Variants in NLRP4 observed in about 807,000 individuals in gnomAD.
The protein encoded by NLRP4 is NACHT, LRR and PYD domains-containing protein 4.
NLRP4 carries 44 observed loss-of-function variants against 84.7 expected under a neutral mutation model. The ratio of observed to expected loss-of-function variants is 0.52; its 90% CI spans 0.41 to 0.67. NLRP4 has a LOEUF of 0.67. NLRP4 is among the 30% of genes least tolerant of loss of function. The pLI is 0.00. For synonymous variants in NLRP4, 544 were observed against 476.4 expected, an observed-to-expected ratio of 1.14 and a Z score of -1.85; for missense variants, 1,260 against 1,219.4, an observed-to-expected ratio of 1.03 and a Z score of -0.50.
Position 55,858,762 on chromosome 19 carries a change from G to C in NLRP4, c.1369G>C (p.Glu457Gln). Residue 457 changes from glutamate to glutamine, a missense_variant, in exon 3 of 10, where the codon GAG (glutamate) becomes CAG (glutamine). Glu to Gln is a conservative substitution (Grantham distance 29). Around this residue, in one of 3 missense-constraint regions of NLRP4, gnomAD observed 712 missense variants for 669.2 expected, o/e 1.06. Transcript: ENST00000301295. This position sits in a 1 kb window ranked among gnomAD's most constrained non-coding sequence, Gnocchi z 4.2. The part of the protein sequence containing the change: ...SYVFLHVCIQ[E>Q]FCAALFYLLK... ...CGTGTTCCTCCACGTGTGTATCCAG[G>C]AGTTCTGTGCCGCCTTGTTCTATTT... is the stretch of plus-strand genomic sequence containing the variant. 6.2e-7 allele frequency: 1 copy of C among 1,614,192 alleles called. No individual in the cohort carries two copies. The highest frequency in any genetic ancestry group is 1.1e-5 in the South Asian group (1 of 91,080).
intron 2 of NLRP4, among the ~76,000 whole-genome samples, chr19:55,855,746 A>G (rs1442252053): frequency 6.6e-6 from 1 of 152,234 alleles, no homozygotes; most frequent in African/African-American, 2.4e-5. Context: ...ACATCGTACT[A>G]GTTATTTAAG....
In NLRP4 at chr19:55,871,032, G is replaced by A. The variant is rs201255934; in HGVS notation, c.2525+35G>A. On this transcript the variant is annotated intron_variant, in intron 7 of 9. Coordinates refer to ENST00000301295, the MANE Select transcript of NLRP4 (RefSeq NM_134444.5). ...TTGCTGTTTCTTTGAAGACCAAGCC[G>A]TCTTTTCAAGGGCATGCACTGCTGA... 2.6e-4 allele frequency: 409 copies of A among 1,597,498 alleles called. 1 individual carries two copies. The highest frequency in any genetic ancestry group is 6.9e-4 in the Admixed American group (41 of 59,770).
At position 55,858,303 on chromosome 19, in the gene NLRP4, G is replaced by T. The variant is rs377060653; in HGVS notation, c.910G>T (p.Glu304Ter). ...SEIYQPRGFN[E>*]SDRLVYFCCF... is the part of the protein sequence containing the mutation. ...AATCTACCAGCCCCGGGGATTCAACGAGAGTGATAGGTTAGTGTATTTCTG... is the reference window on the plus strand; with the variant it reads ...AATCTACCAGCCCCGGGGATTCAACTAGAGTGATAGGTTAGTGTATTTCTG... Residue 304 changes from glutamate (E) to a stop codon, truncating the protein, a stop_gained, in exon 3 of 10, where the codon GAG (glutamate) becomes TAG (stop). Coordinates refer to ENST00000301295, the MANE Select transcript of NLRP4 (RefSeq NM_134444.5). LOFTEE classifies it high-confidence loss of function. The surrounding 1 kb of genome is among the most constrained non-coding windows in gnomAD (Gnocchi z 4.2). The T allele has an allele frequency of 1.9e-5, 30 of 1,614,030 alleles. No homozygotes were observed. Among genetic ancestry groups the T allele is most frequent in the Non-Finnish European group, 2.3e-5 (27 of 1,180,032 alleles).
At chr19:55,860,490 ATTGC>A (rs1984707602) in intron 3 of NLRP4, among the ~76,000 whole-genome samples, 2 of 152,078 alleles carry the variant, frequency 1.3e-5, no homozygotes, top group Admixed American at 6.6e-5. Context: ...AAGCAGGAGG[ATTGC>A]TTGCTTGAGC....
chr19:55,867,630 C>T (rs1985011369), intron 5 of NLRP4, 79 bp from the exon 6 acceptor site: 7 of 1,347,644 alleles, frequency 5.2e-6, no homozygotes, highest in African/African-American at 1.4e-5. Flanking sequence ...GTGGGCTTCC[C>T]GACTCTGACA....
chr19:55,865,452 A>C (rs1173854379), intron 5 of NLRP4, among the ~76,000 whole-genome samples: 3 of 152,146 alleles, frequency 2.0e-5, no homozygotes, highest in Non-Finnish European at 4.4e-5. Flanking sequence ...TTATAGTACA[A>C]TGATTTATAT....
In NLRP4 at chr19:55,848,084, T is replaced by C. The variant is rs147829353; in HGVS notation, c.-65-3932T>C. Among the ~76,000 whole-genome samples the C allele has an allele frequency of 5.2e-4, 79 of 152,288 alleles. 1 individual carries two copies. Among genetic ancestry groups the C allele is most frequent in the Admixed American group, 4.6e-3 (71 of 15,304 alleles). On this transcript the variant is annotated intron_variant, in intron 1 of 9. Transcript: ENST00000301295. ...ACTGGGTTTCATTGCTGTGTCTCCA[T>C]TGAGTTCTCTAAACTAGGACCACTC...
At chr19:55,847,954 A>G (rs1983863483) in intron 1 of NLRP4, among the ~76,000 whole-genome samples, 2 of 152,020 alleles carry the variant, frequency 1.3e-5, no homozygotes, top group African/African-American at 2.4e-5. Flanking sequence ...TGACCTCGTG[A>G]TCTGCCTGCC....
At chr19:55,857,119 GCTTGTGT>G (rs1014688366) in intron 2 of NLRP4, among the ~76,000 whole-genome samples, 48 of 152,278 alleles carry the variant, frequency 3.2e-4, no homozygotes, top group African/African-American at 9.4e-4. Flanking sequence ...TTGTATAATA[GCTTGTGT>G]CTCATAAATT....
chr19:55,863,367 T>C (rs933564237), intron 5 of NLRP4, among the ~76,000 whole-genome samples: 1 of 152,208 alleles, frequency 6.6e-6, no homozygotes, highest in African/African-American at 2.4e-5. Context: ...CTTATGGTTC[T>C]GAAGGATGTA....
intron 2 of NLRP4, among the ~76,000 whole-genome samples, chr19:55,852,958 A>T (rs190329102): frequency 1.3e-5 from 2 of 152,358 alleles, no homozygotes; most frequent in Admixed American, 1.3e-4. Flanking sequence ...AAGTCGTTGC[A>T]TAAGAACTAT....
chr19:55,845,040 T>C (rs983247155), intron 1 of NLRP4, among the ~76,000 whole-genome samples: 2 of 152,146 alleles, frequency 1.3e-5, no homozygotes, highest in Admixed American at 6.5e-5. Context: ...TTTTTAATTA[T>C]TATACTTTAA....
intron 7 of NLRP4, among the ~76,000 whole-genome samples, chr19:55,871,943 G>A (rs540997707): frequency 4.4e-4 from 67 of 150,898 alleles, no homozygotes; most frequent in African/African-American, 1.4e-3. Context: ...GCTGCCTCCC[G>A]GGTTCACGCC....
At chr19:55,869,500 C>T (rs1985091327) in intron 6 of NLRP4, among the ~76,000 whole-genome samples, 1 of 152,104 alleles carries the variant, frequency 6.6e-6, no homozygotes, top group South Asian at 2.1e-4. Context: ...TTGTGTCTGT[C>T]AACAGGAAGC....
Position 55,848,818 on chromosome 19 carries a change from A to T in NLRP4, c.-65-3198A>T, listed in dbSNP as rs866351833. Among the ~76,000 whole-genome samples the T allele has an allele frequency of 4.6e-5, 7 of 152,166 alleles. No homozygotes were observed. In the South Asian group the frequency reaches 1.5e-3, roughly 32 times the overall value. ...TCCCATAATTCCCACATGTGGTGGG[A>T]GGGACCCGGTGGGAGATACTTGAAT... On this transcript the variant is annotated intron_variant, in intron 1 of 9. Coordinates refer to ENST00000301295, the MANE Select transcript of NLRP4 (RefSeq NM_134444.5).
chr19:55,868,754 A>G (rs1183405527), intron 6 of NLRP4, among the ~76,000 whole-genome samples: 2 of 152,096 alleles, frequency 1.3e-5, no homozygotes, highest in Non-Finnish European at 2.9e-5. Flanking sequence ...CACAAATATC[A>G]CTGGAAGAAA....
chr19:55,837,563 G>T (rs546788435), intron 1 of NLRP4, among the ~76,000 whole-genome samples: 1 of 149,420 alleles, frequency 6.7e-6, no homozygotes, highest in Non-Finnish European at 1.5e-5. Context: ...ATCAATAAAA[G>T]TTGGTTTTTA....
Position 55,852,232 on chromosome 19 carries a change from C to T in NLRP4, c.152C>T (p.Ser51Phe), listed in dbSNP as rs769100642. The change falls in exon 2 of 10, where the codon TCC becomes TTC. Residue 51 changes from serine (S) to phenylalanine (F), a missense_variant. By Grantham distance (155) the Ser-to-Phe change is radical. Coordinates refer to ENST00000301295, the MANE Select transcript of NLRP4 (RefSeq NM_134444.5). ...QIPWTEVKKA[S>F]REELANLLIK... ...CCCTGGACTGAGGTCAAAAAAGCAT[C>T]CCGGGAAGAACTTGCAAACCTCTTG... 1 of 1,609,950 alleles carries T rather than the reference C, an allele frequency of 6.2e-7. No individual in the cohort carries two copies. The highest frequency in any genetic ancestry group is 1.3e-5 in the African/African-American group (1 of 74,572).
chr19:55,839,992 A>G (rs1262332265), intron 1 of NLRP4, among the ~76,000 whole-genome samples: 2 of 152,144 alleles, frequency 1.3e-5, no homozygotes, highest in Non-Finnish European at 2.9e-5. Context: ...TAATTTTGGA[A>G]TGTCCTTCAT....
Sources: allele counts gnomAD v4.1 joint callset (sites outside exome capture counted in the v4.1 genomes callset), GRCh38; gene constraint gnomAD v4.1.1; regional missense constraint gnomAD v4.1.1; non-coding constraint Gnocchi (gnomAD v3.1); transcripts MANE v1.5; gene names NCBI Gene and HGNC (gene_info 2026-07-23, HGNC 2026-07-21).